The following C12orf56 variants were observed in gnomAD, a reference collection of about 807,000 sequenced individuals.
C12orf56 encodes chromosome 12 open reading frame 56, also known as uncharacterized protein C12orf56.
Under a neutral mutation model 69.9 loss-of-function variants are expected in C12orf56, and 71 were observed. The observed-to-expected ratio is 1.02, with a 90% CI of 0.84 to 1.24. The LOEUF is 1.24. Among genes scored for constraint, C12orf56 ranks in the 50% most tolerant of loss-of-function variants. The pLI is 0.00. For missense variants in C12orf56, 732 were observed against 738.5 expected (o/e 0.99, Z 0.10); for synonymous variants, 276 against 274.1 (o/e 1.01, Z -0.07).
intron 8 of C12orf56, among the ~76,000 whole-genome samples, chr12:64,279,544 G>A (rs1475892346): frequency 3.3e-5 from 5 of 152,180 alleles, no homozygotes; most frequent in African/African-American, 1.2e-4. Flanking sequence ...TGGAAAAAAG[G>A]AGGGTGAGTA....
intron 2 of C12orf56, among the ~76,000 whole-genome samples, chr12:64,352,659 C>T (rs1335139776): frequency 6.6e-6 from 1 of 152,160 alleles, no homozygotes; most frequent in Non-Finnish European, 1.5e-5. Context: ...GATATTCAAT[C>T]TGTGAGGTGA....
At chr12:64,322,263 T>G (rs2136845549) in intron 3 of C12orf56, among the ~76,000 whole-genome samples, 1 of 152,174 alleles carries the variant, frequency 6.6e-6, no homozygotes, top group South Asian at 2.1e-4. Flanking sequence ...CTTCAATCTT[T>G]ATTCTCTTTT....
At chr12:64,358,847 G>C (rs980650254) in intron 1 of C12orf56, among the ~76,000 whole-genome samples, 1 of 152,062 alleles carries the variant, frequency 6.6e-6, no homozygotes, top group Non-Finnish European at 1.5e-5. Flanking sequence ...CAAAATCATA[G>C]ACAGAACAAA....
chr12:64,382,796 C>T (rs1173152099), intron 1 of C12orf56, among the ~76,000 whole-genome samples: 1 of 150,918 alleles, frequency 6.6e-6, no homozygotes, highest in African/African-American at 2.4e-5. Context: ...TGGTGTGAAC[C>T]CGGGAGGCGG....
At chr12:64,281,965 A>C (rs1432450065) in intron 8 of C12orf56, among the ~76,000 whole-genome samples, 2 of 152,226 alleles carry the variant, frequency 1.3e-5, no homozygotes, top group African/African-American at 2.4e-5. Context: ...AACCAGATTT[A>C]GTGATAATTT....
chr12:64,327,842 G>A (rs1041711116), intron 3 of C12orf56, among the ~76,000 whole-genome samples: 7 of 152,164 alleles, frequency 4.6e-5, no homozygotes, highest in Admixed American at 2.0e-4. Context: ...ACTCTGACAG[G>A]AACACATGAA....
rs761278179 is a variant in C12orf56 at position 64,275,307 on chromosome 12, G to A, written c.1500C>T (p.Val500=). 7.8e-6 allele frequency: 11 copies of A among 1,402,444 alleles called. No homozygotes were observed. In the East Asian group the frequency reaches 2.8e-4, roughly 36 times the overall value. The allele number at this position is 1,402,444 out of a possible 1,614,324, so 86.9% of individuals were successfully genotyped here. The stretch of plus-strand genomic sequence containing the variant: ...TTTTTAAAAATTGTACCTGCTGAAA[G>A]ACCAGAAGTATCTCATATAAAAGTG... The part of the protein sequence containing the change: ...ATALLYEILL[V]FQQGNLGLGS... The change falls in exon 10 of 13, where the codon GTC becomes GTT. Residue 500 remains valine (V), a synonymous_variant. Transcript: ENST00000543942.
chr12:64,376,258 C>A (rs940130585), intron 1 of C12orf56, among the ~76,000 whole-genome samples: 1 of 152,180 alleles, frequency 6.6e-6, no homozygotes, highest in African/African-American at 2.4e-5. Flanking sequence ...AGCATCTTGA[C>A]AACTTTTGGC....
At chr12:64,323,760 C>T (rs2136848922) in intron 3 of C12orf56, among the ~76,000 whole-genome samples, 1 of 152,272 alleles carries the variant, frequency 6.6e-6, no homozygotes, top group Non-Finnish European at 1.5e-5. Flanking sequence ...ATCTACCCAC[C>T]TTGGCCTCCC....
intron 4 of C12orf56, among the ~76,000 whole-genome samples, chr12:64,315,037 C>T (rs1379269653): frequency 1.3e-5 from 2 of 148,926 alleles, no homozygotes; most frequent in Admixed American, 6.7e-5. Flanking sequence ...CTGCAACCTC[C>T]GCCTCCCAGG....
At chr12:64,276,557 T>C (rs976923395) in intron 9 of C12orf56, among the ~76,000 whole-genome samples, 4 of 152,214 alleles carry the variant, frequency 2.6e-5, no homozygotes, top group African/African-American at 9.6e-5. Context: ...TCTGTAATTA[T>C]ATATTCATGG....
At chr12:64,312,988 C>T (rs756473386) in intron 4 of C12orf56, among the ~76,000 whole-genome samples, 11 of 151,874 alleles carry the variant, frequency 7.2e-5, no homozygotes, top group Non-Finnish European at 1.0e-4. Context: ...AGGCCGGGTG[C>T]GGTGGCTCAT....
chr12:64,316,558 C>A (rs569038590), intron 4 of C12orf56, among the ~76,000 whole-genome samples: 1 of 152,108 alleles, frequency 6.6e-6, no homozygotes, highest in East Asian at 1.9e-4. Context: ...GCTAAGAGAA[C>A]GTTATTTTCA....
intron 5 of C12orf56, among the ~76,000 whole-genome samples, chr12:64,309,829 G>A (rs1479278374): frequency 6.6e-6 from 1 of 151,932 alleles, no homozygotes; most frequent in East Asian, 1.9e-4. Context: ...TCACACTTTT[G>A]AGTCAGATTC....
intron 11 of C12orf56, among the ~76,000 whole-genome samples, chr12:64,271,397 G>A (rs1375699747): frequency 2.0e-5 from 3 of 152,170 alleles, no homozygotes; most frequent in Non-Finnish European, 4.4e-5. Flanking sequence ...TGCAGAGGCA[G>A]AGGTTGCAGT....
At chr12:64,314,100 T>G (rs552847798) in intron 4 of C12orf56, among the ~76,000 whole-genome samples, 2 of 151,610 alleles carry the variant, frequency 1.3e-5, no homozygotes, top group East Asian at 1.9e-4. Context: ...TTTTTTTTTC[T>G]TATGAGACAG....
chr12:64,378,835 G>C (rs1264824652), intron 1 of C12orf56, among the ~76,000 whole-genome samples: 1 of 152,048 alleles, frequency 6.6e-6, no homozygotes, highest in Non-Finnish European at 1.5e-5. Context: ...TGGATCACTT[G>C]AGGCCAGGAG....
chr12:64,380,436 G>A (rs117328486), intron 1 of C12orf56, among the ~76,000 whole-genome samples: 23 of 152,220 alleles, frequency 1.5e-4, no homozygotes, highest in Admixed American at 7.2e-4. Context: ...GTTATTGACC[G>A]TCTACTAAGT....
chr12:64,293,733 T>C (rs1451924193), intron 6 of C12orf56, among the ~76,000 whole-genome samples: 2 of 152,148 alleles, frequency 1.3e-5, no homozygotes, highest in Non-Finnish European at 2.9e-5. Context: ...ATCTCAAAAA[T>C]ATTATGCCAA....
Sources: allele counts gnomAD v4.1 joint callset (sites outside exome capture counted in the v4.1 genomes callset), GRCh38; gene constraint gnomAD v4.1.1; transcripts MANE v1.5; gene names NCBI Gene and HGNC (gene_info 2026-07-23, HGNC 2026-07-21).